ARID1B: variants seen among roughly 807,000 people sequenced by gnomAD.
ARID1B encodes the protein AT-rich interactive domain-containing protein 1B.
A neutral mutation model predicts 212.3 loss-of-function variants in ARID1B; 30 were observed. The observed-to-expected ratio is 0.14, with a 90% CI of 0.11 to 0.19. The LOEUF (loss-of-function observed/expected upper bound fraction) is 0.19. Ranked by LOEUF, ARID1B falls within the 10% of genes least tolerant of loss-of-function variation. The probability of loss-of-function intolerance (pLI) is 1.00; values close to 1 mark genes in which losing one functional copy is unlikely to be tolerated. For synonymous variants in ARID1B, 1,402 were observed against 1,301.7 expected, an observed-to-expected ratio of 1.08 and a Z score of -1.66; for missense variants, 2,891 against 3,204.0, an observed-to-expected ratio of 0.90 and a Z score of 2.36.
intron 2 of ARID1B, among the ~76,000 whole-genome samples, chr6:156,858,125 A>G (rs756200879): frequency 1.1e-4 from 17 of 152,290 alleles, no homozygotes; most frequent in Non-Finnish European, 1.9e-4. Flanking sequence ...AGTCAGGCAC[A>G]GAGAGACAAA....
At chr6:156,895,122 G>A (rs1562466389) in intron 2 of ARID1B, among the ~76,000 whole-genome samples, 1 of 152,350 alleles carries the variant, frequency 6.6e-6, no homozygotes, top group South Asian at 2.1e-4. Context: ...ATCCTTTAAT[G>A]TGATGATATG....
At chr6:156,996,643 A>G (rs150724824) in intron 4 of ARID1B, among the ~76,000 whole-genome samples, 2,101 of 152,326 alleles carry the variant, frequency 0.014, 45 homozygotes, top group African/African-American at 0.048. Flanking sequence ...GCCTACTAAT[A>G]CTACTCTTGT....
rs942093794 is a variant in ARID1B at position 157,210,771 on chromosome 6, A to G, written c.*2880A>G. The G allele has an allele frequency of 8.7e-6, 2 of 229,318 alleles. No individual in the cohort carries two copies. The highest frequency in any genetic ancestry group is 4.4e-5 in the African/African-American group (2 of 45,068). The allele number at this position is 229,318 out of a possible 1,614,324, so 14.2% of individuals were successfully genotyped here. On this transcript the variant is annotated 3_prime_UTR_variant, in exon 20 of 20. Transcript: ENST00000636930. ...GTTTAGTATTTTGGAATGGTGCTAT[A>G]AAGTTGAATCTGTTGGTATTTGAGT...
At chr6:157,041,985 T>C (rs1781913060) in intron 4 of ARID1B, among the ~76,000 whole-genome samples, 1 of 152,200 alleles carries the variant, frequency 6.6e-6, no homozygotes. Context: ...TCTCTTCCTG[T>C]GGCTTCCTCA....
At chr6:156,897,264 C>CTTCTTCTTATTATTATTA (rs71027320) in intron 2 of ARID1B, among the ~76,000 whole-genome samples, 1,088 of 83,516 alleles carry the variant, frequency 0.013, 17 homozygotes, top group Non-Finnish European at 0.02. Context: ...TCTTCTTCTT[C>CTTCTTCTTATTATTATTA]TTATTATTAT....
At chr6:157,021,235 T>C (rs1351214038) in intron 4 of ARID1B, among the ~76,000 whole-genome samples, 1 of 152,210 alleles carries the variant, frequency 6.6e-6, no homozygotes, top group Non-Finnish European at 1.5e-5. Flanking sequence ...TTTCTTTTGT[T>C]TTATTCAAGC....
rs563799271 is a variant in ARID1B, at chr6:157,002,590, A to G, written c.2247+67014A>G. Among the ~76,000 whole-genome samples the G allele has an allele frequency of 2.0e-5, 3 of 152,340 alleles. No homozygotes were observed. The South Asian group carries it at 6.2e-4, about 32-fold the overall frequency. ...ATGATCTATTTTATGGTTGTGATAC[A>G]TTTGTCCTTGGGAAATGCCTTAAAA... On this transcript the variant is annotated intron_variant, in intron 4 of 19. Transcript: ENST00000636930.
chr6:157,206,352 T>C lies in ARID1B; in HGVS notation c.5580T>C (p.Cys1860=). The change falls in exon 20 of 20, where the codon TGT becomes TGC. Residue 1860 remains cysteine, a synonymous_variant. Transcript: ENST00000636930. This position sits in a 1 kb window ranked among gnomAD's most constrained non-coding sequence, Gnocchi z 6.8. ...DSGKEEEDAE[C]IDDDEEDEED... ...GGAAAGAGGAGGAAGATGCTGAATG[T>C]ATTGATGACGACGAGGAAGACGAGG... The C allele has an allele frequency of 6.2e-7, 1 of 1,614,114 alleles. No individual in the cohort carries two copies. The highest frequency in any genetic ancestry group is 2.2e-5 in the East Asian group (1 of 44,878).
chr6:156,959,991 C>T (rs1022041581), intron 4 of ARID1B, among the ~76,000 whole-genome samples: 6 of 144,224 alleles, frequency 4.2e-5, no homozygotes, highest in African/African-American at 1.0e-4. Context: ...AGTGCAATGG[C>T]GCGATCTTGG....
chr6:156,959,218 A>G (rs906346357), intron 4 of ARID1B, among the ~76,000 whole-genome samples: 2 of 152,190 alleles, frequency 1.3e-5, no homozygotes, highest in Non-Finnish European at 2.9e-5. Context: ...CTCAGTATCC[A>G]CAGGGAATTG....
intron 4 of ARID1B, chr6:156,985,156 G>A (rs1371636390): frequency 6.6e-6 from 1 of 152,212 alleles, no homozygotes; most frequent in African/African-American, 2.4e-5. Context: ...CTTAAGGTCA[G>A]CTACATTTTT....
At chr6:157,129,967 G>A (rs1035094639) in intron 6 of ARID1B, among the ~76,000 whole-genome samples, 4 of 152,102 alleles carry the variant, frequency 2.6e-5, no homozygotes, top group Admixed American at 1.3e-4. Context: ...TCAGGCGTTC[G>A]AGACCAGCCT....
intron 11 of ARID1B, among the ~76,000 whole-genome samples, chr6:157,176,859 T>C (rs540938649): frequency 2.1e-4 from 32 of 152,228 alleles, no homozygotes; most frequent in African/African-American, 7.5e-4. Context: ...AAAAAGATAA[T>C]AAGAATGAGC....
intron 2 of ARID1B, among the ~76,000 whole-genome samples, chr6:156,862,209 G>A (rs1785380846): frequency 6.6e-6 from 1 of 151,464 alleles, no homozygotes; most frequent in Admixed American, 6.6e-5. Flanking sequence ...GTGTGGCTCA[G>A]TGGTTCTGTT....
chr6:156,942,042 T>C (rs1022811035), intron 4 of ARID1B: 1 of 152,240 alleles, frequency 6.6e-6, no homozygotes, highest in Admixed American at 6.5e-5. Context: ...CTGAAAACTT[T>C]TTCATATAGT....
intron 4 of ARID1B, among the ~76,000 whole-genome samples, chr6:156,958,722 CT>C (rs1157589592): frequency 2.0e-5 from 3 of 151,906 alleles, no homozygotes; most frequent in Non-Finnish European, 4.4e-5. Context: ...AATCGTCTTC[CT>C]CCTTCCTTTT....
At chr6:156,870,951 T>C (rs1786079888) in intron 2 of ARID1B, among the ~76,000 whole-genome samples, 1 of 152,240 alleles carries the variant, frequency 6.6e-6, no homozygotes, top group Non-Finnish European at 1.5e-5. Flanking sequence ...TCCTAAAGTC[T>C]GTGCATGTTT....
chr6:157,103,831 C>CT (rs869280492), intron 5 of ARID1B, among the ~76,000 whole-genome samples: 3,932 of 118,296 alleles, frequency 0.033, 254 homozygotes, highest in Admixed American at 0.13. Context: ...ATATTAACAA[C>CT]TTTTTTTTTT....
Position 157,094,080 on chromosome 6 carries a change from G to T in ARID1B, c.2491+9175G>T, listed in dbSNP as rs1001950117. Among the ~76,000 whole-genome samples, 18 of 152,196 alleles carry T rather than the reference G, an allele frequency of 1.2e-4. No homozygotes were observed. Among genetic ancestry groups the T allele is most frequent in the Non-Finnish European group, 4.4e-5 (3 of 68,048 alleles). On this transcript the variant is annotated intron_variant, in intron 5 of 19. Transcript: ENST00000636930. The surrounding 1 kb of genome is among the most constrained non-coding windows in gnomAD (Gnocchi z 4.3). ...CTTTAGATAGCAGTGGCTAGTTAGG[G>T]CAGGTGTCTCTCTTAGAAGCTGATA...
Sources: gnomAD v4.1 joint callset for allele counts (sites outside exome capture counted in the v4.1 genomes callset) on GRCh38, gnomAD v4.1.1 for gene constraint, Gnocchi (gnomAD v3.1) non-coding constraint, MANE v1.5 for transcripts, NCBI Gene and HGNC (gene_info 2026-07-23, HGNC 2026-07-21) for gene names.